Variants in PRKCZ observed in about 807,000 individuals in gnomAD.
The protein encoded by PRKCZ is protein kinase C zeta, also known as protein kinase C zeta type.
A neutral mutation model predicts 79.5 loss-of-function variants in PRKCZ; 33 were observed. That is an observed-to-expected ratio of 0.41 (90% CI 0.31 to 0.55). The LOEUF (loss-of-function observed/expected upper bound fraction) is 0.55, where lower values mean the gene tolerates loss of function less well. Ranked by LOEUF, PRKCZ falls within the 20% of genes least tolerant of loss-of-function variation. The pLI is 0.19. For missense variants in PRKCZ, 578 were observed against 813.5 expected (o/e 0.71, Z 3.52); for synonymous variants, 342 against 320.9 (o/e 1.07, Z -0.70).
At chr1:2,054,705 T>G (rs973337294) in intron 1 of PRKCZ, among the ~76,000 whole-genome samples, 1 of 152,036 alleles carries the variant, frequency 6.6e-6, no homozygotes, top group South Asian at 2.1e-4. Flanking sequence ...ACCGTCGAGG[T>G]CTGGGGGCAG....
chr1:2,146,150 A>T (rs952122578), intron 7 of PRKCZ, 42 bp downstream of exon 7: 5 of 1,551,420 alleles, frequency 3.2e-6, no homozygotes, highest in Non-Finnish European at 4.4e-6. Flanking sequence ...CCTGGGCATC[A>T]CCTCACCCTG....
chr1:2,057,024 G>A (rs376272814), intron 3 of PRKCZ, among the ~76,000 whole-genome samples: 62 of 152,236 alleles, frequency 4.1e-4, no homozygotes, highest in African/African-American at 1.3e-3. Flanking sequence ...CACCGCGCCC[G>A]GCCTTTTCTT....
chr1:2,089,655 A>G (rs1017694029), intron 4 of PRKCZ, among the ~76,000 whole-genome samples: 1 of 152,100 alleles, frequency 6.6e-6, no homozygotes, highest in African/African-American at 2.4e-5. Flanking sequence ...CACCTCTCAA[A>G]GGCCTCCTGA....
intron 9 of PRKCZ, among the ~76,000 whole-genome samples, chr1:2,154,408 G>A (rs1240129736): frequency 6.6e-6 from 1 of 152,292 alleles, no homozygotes; most frequent in South Asian, 2.1e-4. Flanking sequence ...ACCAAGCCTC[G>A]AGGAGGAGGA....
Position 2,056,541 on chromosome 1 carries a change from G to A in PRKCZ, c.251G>A (p.Arg84His), listed in dbSNP as rs56017162. 3.7e-5 allele frequency: 60 copies of A among 1,613,936 alleles called. No individual in the cohort carries two copies. The highest frequency in any genetic ancestry group is 6.7e-5 in the African/African-American group (5 of 75,022). ...CTGGAAGAGGCTTTCCGCCTGGCCC[G>A]TCAGTGCAGGGATGAAGGCCTCATC... Reference protein sequence around the residue: ...MELEEAFRLARQCRDEGLIIH... With the variant: ...MELEEAFRLAHQCRDEGLIIH... The change falls in exon 3 of 18, where the codon CGT (arginine) becomes CAT (histidine). Residue 84 changes from arginine (R) to histidine (H), a missense_variant. Coordinates refer to ENST00000378567, the MANE Select transcript of PRKCZ (RefSeq NM_002744.6).
At chr1:2,079,931 C>T (rs1663169135) in intron 4 of PRKCZ, among the ~76,000 whole-genome samples, 2 of 152,302 alleles carry the variant, frequency 1.3e-5, no homozygotes, top group South Asian at 4.1e-4. Context: ...GTCTGCTGCC[C>T]CCGCAAGCCC....
rs111794182 is a variant in PRKCZ at position 2,104,724 on chromosome 1, G to T, written c.335-30538G>T. 1.1e-3 allele frequency: 1,084 copies of T among 985,450 alleles called. 11 individuals carry two copies. The African/African-American group carries it at 0.018, about 16-fold the overall frequency. The allele number at this position is 985,450 out of a possible 1,614,324, so 61.0% of individuals were successfully genotyped here. On this transcript the variant is annotated intron_variant, in intron 4 of 17. Transcript: ENST00000378567. ...CCTGGCGAGGGGTGGTCAGAACATC[G>T]CTCGGTGCCAGACAGGCAGGACGCA...
intron 4 of PRKCZ, among the ~76,000 whole-genome samples, chr1:2,108,712 C>T (rs1031681408): frequency 6.6e-6 from 1 of 152,240 alleles, no homozygotes; most frequent in African/African-American, 2.4e-5. Flanking sequence ...CTGATGTGCT[C>T]CCTGGTCACC....
At chr1:2,101,390 C>T (rs1025178211) in intron 4 of PRKCZ, among the ~76,000 whole-genome samples, 4 of 152,198 alleles carry the variant, frequency 2.6e-5, no homozygotes, top group Non-Finnish European at 5.9e-5. Context: ...TGTCCCCCGG[C>T]CCCCAGCCCT....
intron 4 of PRKCZ, among the ~76,000 whole-genome samples, chr1:2,089,981 G>GCCGTGAGGAGC (rs1472093098): frequency 6.6e-6 from 1 of 152,162 alleles, no homozygotes; most frequent in African/African-American, 2.4e-5. Flanking sequence ...GTTCCCGGAG[G>GCCGTGAGGAGC]CCGTGAGGAG....
intron 4 of PRKCZ, among the ~76,000 whole-genome samples, chr1:2,131,532 A>T (rs1674950694): frequency 6.6e-6 from 1 of 152,190 alleles, no homozygotes; most frequent in Non-Finnish European, 1.5e-5. Context: ...GCTTGAAATT[A>T]TCCTCTCTGT....
intron 5 of PRKCZ, chr1:2,141,038 A>G (rs1394814316): frequency 6.6e-6 from 1 of 152,264 alleles, no homozygotes; most frequent in Non-Finnish European, 1.5e-5. Flanking sequence ...GTTTTTACCC[A>G]TTAATCTATG....
intron 4 of PRKCZ, among the ~76,000 whole-genome samples, chr1:2,077,666 C>A (rs1246209027): frequency 6.6e-6 from 1 of 152,140 alleles, no homozygotes; most frequent in Non-Finnish European, 1.5e-5. Flanking sequence ...AACAGGTGTC[C>A]CTGGTCCTCC....
At chr1:2,111,248 G>A (rs1459481758) in intron 4 of PRKCZ, among the ~76,000 whole-genome samples, 3 of 152,164 alleles carry the variant, frequency 2.0e-5, no homozygotes, top group Non-Finnish European at 4.4e-5. Context: ...AAGAGGCAGA[G>A]AAGGTGTCTT....
intron 4 of PRKCZ, chr1:2,074,335 G>A (rs1224162729): frequency 3.2e-6 from 5 of 1,546,142 alleles, no homozygotes; most frequent in Non-Finnish European, 3.5e-6. Context: ...GGGGCCGGGG[G>A]GCTTGGGGAA....
At position 2,178,554 on chromosome 1, in the gene PRKCZ, T is replaced by C. The variant is rs1685929141; in HGVS notation, c.1575+3241T>C. Among the ~76,000 whole-genome samples, 1 of 152,116 alleles carries C rather than the reference T, an allele frequency of 6.6e-6. No homozygotes were observed. Among genetic ancestry groups the C allele is most frequent in the Non-Finnish European group, 1.5e-5 (1 of 68,030 alleles). On this transcript the variant is annotated intron_variant, in intron 16 of 17. Coordinates refer to ENST00000378567, the MANE Select transcript of PRKCZ (RefSeq NM_002744.6). This position sits in a 1 kb window ranked among gnomAD's most constrained non-coding sequence, Gnocchi z 4.3. ...GAGCACCTGTGAACCCGCTTCTGGG[T>C]GGACACGTGTTTATTTCTCTTGGGC...
chr1:2,055,514 C>T lies in PRKCZ; in HGVS notation c.145C>T (p.Arg49Cys), dbSNP rs370842263. The T allele has an allele frequency of 4.1e-5, 66 of 1,613,976 alleles. No individual in the cohort carries two copies. The highest frequency in any genetic ancestry group is 1.6e-4 in the East Asian group (7 of 44,894). The part of the protein sequence containing the change: ...ELCEEVRDMC[R>C]LHQQHPLTLK... ...CTGTGAGGAAGTGAGAGACATGTGT[C>T]GTCTGCACCAGCAGCACCCGCTCAC... Residue 49 changes from arginine (R) to cysteine (C), a missense_variant, in exon 2 of 18, where the codon CGT becomes TGT. This residue lies in a region of PRKCZ where 228 missense variants were observed against 211.6 expected (regional missense o/e 1.08). Coordinates refer to ENST00000378567, the MANE Select transcript of PRKCZ (RefSeq NM_002744.6).
chr1:2,150,092 G>A (rs1342227226), intron 8 of PRKCZ, among the ~76,000 whole-genome samples: 1 of 150,138 alleles, frequency 6.7e-6, no homozygotes, highest in African/African-American at 2.5e-5. Flanking sequence ...AACCCGGGAG[G>A]TGGAGCTTGT....
chr1:2,115,342 C>T (rs964871834), intron 4 of PRKCZ, among the ~76,000 whole-genome samples: 2 of 152,244 alleles, frequency 1.3e-5, no homozygotes, highest in African/African-American at 2.4e-5. Flanking sequence ...CCTTCTGTTG[C>T]CCGTGGCGCA....
Sources: gnomAD v4.1 joint callset for allele counts (sites outside exome capture counted in the v4.1 genomes callset) on GRCh38, gnomAD v4.1.1 for gene constraint, gnomAD v4.1.1 regional missense constraint, Gnocchi (gnomAD v3.1) non-coding constraint, MANE v1.5 for transcripts, NCBI Gene and HGNC (gene_info 2026-07-23, HGNC 2026-07-21) for gene names.